Variants in SPAG16 observed in about 807,000 individuals in gnomAD.
The protein encoded by SPAG16 is sperm-associated antigen 16 protein.
In SPAG16, 86 loss-of-function variants were observed where a neutral mutation model predicts 80.4. The observed-to-expected ratio is 1.07, with a 90% CI of 0.90 to 1.28. The LOEUF (loss-of-function observed/expected upper bound fraction) is 1.28. Ranked by LOEUF, SPAG16 falls within the 50% of genes most tolerant of loss-of-function variation. The pLI is 0.00. For missense variants in SPAG16, 870 were observed against 765.3 expected, an observed-to-expected ratio of 1.14 and a Z score of -1.61; for synonymous variants, 294 against 265.9, an observed-to-expected ratio of 1.11 and a Z score of -1.03.
intron 12 of SPAG16, among the ~76,000 whole-genome samples, chr2:213,935,057 C>T (rs12476185): frequency 6.6e-6 from 1 of 151,954 alleles, no homozygotes; most frequent in Admixed American, 6.6e-5. Context: ...AAAAAATTAC[C>T]TGGGCGTGGT....
At chr2:214,091,224 T>C (rs1281576747) in intron 13 of SPAG16, among the ~76,000 whole-genome samples, 1 of 152,132 alleles carries the variant, frequency 6.6e-6, no homozygotes, top group Non-Finnish European at 1.5e-5. Context: ...GGAGTACTTA[T>C]TATATCCCAA....
intron 10 of SPAG16, among the ~76,000 whole-genome samples, chr2:213,829,857 G>A (rs930908019): frequency 3.3e-5 from 5 of 152,014 alleles, no homozygotes; most frequent in African/African-American, 9.7e-5. Flanking sequence ...ATCCTACTGC[G>A]GCTGAGATGG....
intron 10 of SPAG16, among the ~76,000 whole-genome samples, chr2:213,846,209 A>G (rs1041075535): frequency 1.3e-5 from 2 of 152,202 alleles, no homozygotes; most frequent in Non-Finnish European, 2.9e-5. Flanking sequence ...AGGGAAAAAG[A>G]GTTTACCATT....
At chr2:213,766,816 C>T (rs1425963106) in intron 10 of SPAG16, among the ~76,000 whole-genome samples, 1 of 152,170 alleles carries the variant, frequency 6.6e-6, no homozygotes, top group Non-Finnish European at 1.5e-5. Context: ...TGCAAATATG[C>T]AAAGAGAATA....
chr2:213,301,771 T>C (rs2062749959), intron 3 of SPAG16, among the ~76,000 whole-genome samples: 2 of 152,132 alleles, frequency 1.3e-5, no homozygotes, highest in Admixed American at 6.6e-5. Flanking sequence ...TTGATATGCT[T>C]CCTGTTTAGT....
chr2:214,040,873 T>G (rs1239205342), intron 13 of SPAG16, among the ~76,000 whole-genome samples: 1 of 152,132 alleles, frequency 6.6e-6, no homozygotes, highest in Non-Finnish European at 1.5e-5. Context: ...AGCATTTAGA[T>G]TCAGGACTTC....
intron 15 of SPAG16, among the ~76,000 whole-genome samples, chr2:214,349,810 AT>A (rs1466787976): frequency 7.2e-5 from 11 of 152,060 alleles, no homozygotes; most frequent in African/African-American, 2.2e-4. Flanking sequence ...TGTGATTTTA[AT>A]TTGCATTTAT....
intron 10 of SPAG16, among the ~76,000 whole-genome samples, chr2:213,548,366 C>A (rs535081613): frequency 4.6e-5 from 7 of 152,248 alleles, no homozygotes; most frequent in African/African-American, 1.7e-4. Flanking sequence ...GCGCCCACCA[C>A]CATGCCCGGC....
chr2:213,709,427 G>T (rs2065890122), intron 10 of SPAG16, among the ~76,000 whole-genome samples: 1 of 152,078 alleles, frequency 6.6e-6, no homozygotes, highest in South Asian at 2.1e-4. Flanking sequence ...AAAGAAAAAA[G>T]AATTAGGAAA....
intron 10 of SPAG16, among the ~76,000 whole-genome samples, chr2:213,643,674 T>A (rs1375685540): frequency 2.0e-5 from 3 of 150,238 alleles, no homozygotes; most frequent in African/African-American, 7.3e-5. Context: ...ATTTTCTAGA[T>A]CCTGTAGGCG....
intron 15 of SPAG16, among the ~76,000 whole-genome samples, chr2:214,257,277 G>C (rs957110193): frequency 2.0e-5 from 3 of 151,970 alleles, no homozygotes; most frequent in African/African-American, 7.2e-5. Flanking sequence ...AATCATAGTA[G>C]TTGTGTTGTC....
intron 15 of SPAG16, among the ~76,000 whole-genome samples, chr2:214,245,261 C>A (rs1053172164): frequency 6.6e-6 from 1 of 152,054 alleles, no homozygotes; most frequent in African/African-American, 2.4e-5. Context: ...ACGCTATTCC[C>A]GGCATATTTT....
At position 214,221,774 on chromosome 2, in the gene SPAG16, G is replaced by A. The variant is rs116655313; in HGVS notation, c.1720+72508G>A. Among the ~76,000 whole-genome samples the A allele has an allele frequency of 5.0e-3, 767 of 152,038 alleles. 5 individuals are homozygous for A. Among genetic ancestry groups the A allele is most frequent in the African/African-American group, 0.017 (706 of 41,476 alleles). On this transcript the variant is annotated intron_variant, in intron 15 of 15. Coordinates refer to ENST00000331683, the MANE Select transcript of SPAG16 (RefSeq NM_024532.5). ...AGAAAAATATTTCATGTTATTTTTC[G>A]TGTTTTCACTTTAGCATTTCAATTA...
At chr2:214,330,604 T>C (rs986743939) in intron 15 of SPAG16, among the ~76,000 whole-genome samples, 1 of 152,132 alleles carries the variant, frequency 6.6e-6, no homozygotes, top group Admixed American at 6.5e-5. Flanking sequence ...GGAGCTGGGA[T>C]GGCTCTTCAT....
intron 13 of SPAG16, among the ~76,000 whole-genome samples, chr2:214,018,529 A>T (rs1043623680): frequency 1.3e-5 from 2 of 152,146 alleles, no homozygotes; most frequent in African/African-American, 4.8e-5. Flanking sequence ...ATTGATATGG[A>T]TGACATTATT....
intron 3 of SPAG16, among the ~76,000 whole-genome samples, chr2:213,305,901 A>T (rs11695933): frequency 0.22 from 32,964 of 152,074 alleles, 4,417 homozygotes; most frequent in Non-Finnish European, 0.31. Context: ...ATTTTTAGAA[A>T]AGTTTGAGTA....
At chr2:213,755,324 A>C (rs1181565222) in intron 10 of SPAG16, among the ~76,000 whole-genome samples, 1 of 152,228 alleles carries the variant, frequency 6.6e-6, no homozygotes, top group Non-Finnish European at 1.5e-5. Context: ...GTATTTTAAA[A>C]TAGTTTTGAC....
At chr2:213,462,900 A>G (rs2072462973) in intron 9 of SPAG16, among the ~76,000 whole-genome samples, 1 of 152,212 alleles carries the variant, frequency 6.6e-6, no homozygotes, top group Non-Finnish European at 1.5e-5. Flanking sequence ...CAAAATGTGG[A>G]AGCTACTTTG....
chr2:213,449,373 C>T (rs905422267), intron 9 of SPAG16, among the ~76,000 whole-genome samples: 2 of 152,080 alleles, frequency 1.3e-5, no homozygotes, highest in African/African-American at 4.8e-5. Flanking sequence ...TTTGTTAGAC[C>T]CTTATTGGTA....
Sources: gnomAD v4.1 joint callset for allele counts (sites outside exome capture counted in the v4.1 genomes callset) on GRCh38, gnomAD v4.1.1 for gene constraint, MANE v1.5 for transcripts, NCBI Gene and HGNC (gene_info 2026-07-23, HGNC 2026-07-21) for gene names.